RPS6KA2: variants seen among roughly 807,000 people sequenced by gnomAD.
RPS6KA2 encodes the protein ribosomal protein S6 kinase alpha-2.
Under a neutral mutation model 91.8 loss-of-function variants are expected in RPS6KA2, and 42 were observed. The observed-to-expected ratio is 0.46, with a 90% CI of 0.36 to 0.59. The LOEUF (loss-of-function observed/expected upper bound fraction) is 0.59, where lower values mean the gene tolerates loss of function less well. RPS6KA2 is among the 20% of genes least tolerant of loss of function. The pLI, the probability that RPS6KA2 is intolerant of heterozygous loss-of-function variation, is 0.00. For missense variants in RPS6KA2, 798 were observed against 978.5 expected (o/e 0.82, Z 2.46); for synonymous variants, 414 against 393.6 (o/e 1.05, Z -0.61).
chr6:166,781,652 C>A (rs539381730), intron 2 of RPS6KA2, among the ~76,000 whole-genome samples: 2 of 152,330 alleles, frequency 1.3e-5, no homozygotes, highest in Non-Finnish European at 2.9e-5. Context: ...TAAACAGGCC[C>A]AGCTGCAAAT....
At chr6:166,815,660 G>A (rs1287631723) in intron 2 of RPS6KA2, among the ~76,000 whole-genome samples, 13 of 152,120 alleles carry the variant, frequency 8.5e-5, no homozygotes. Context: ...CAGCTAATGG[G>A]GTAAGCATTT....
chr6:166,852,713 G>T lies in RPS6KA2; in HGVS notation c.123+5487C>A, dbSNP rs567259891. On this transcript the variant is annotated intron_variant, in intron 2 of 21. Transcript: ENST00000503859. The surrounding 1 kb of genome is among the most constrained non-coding windows in gnomAD (Gnocchi z 4.1). ...GCATTGGAGGAGGCCACGCTGACAC[G>T]CTCAGGAGCTCATCCCTGAGCGCCC... 6.6e-6 allele frequency among the ~76,000 whole-genome samples: 1 copy of T among 152,090 alleles called. No individual in the cohort carries two copies. The highest frequency in any genetic ancestry group is 2.4e-5 in the African/African-American group (1 of 41,436).
At chr6:166,746,448 A>T (rs1457494405) in intron 2 of RPS6KA2, among the ~76,000 whole-genome samples, 1 of 152,134 alleles carries the variant, frequency 6.6e-6, no homozygotes, top group Non-Finnish European at 1.5e-5. Flanking sequence ...GCAATACCAC[A>T]TTTCACCTGC....
intron 1 of RPS6KA2, among the ~76,000 whole-genome samples, chr6:166,585,519 T>TC (rs398003318): frequency 2.4e-5 from 3 of 124,838 alleles, no homozygotes; most frequent in Admixed American, 7.4e-5. Context: ...TTTTTTTTTT[T>TC]CCTTATTTTA....
At chr6:166,576,250 A>G (rs935505513) in intron 1 of RPS6KA2, among the ~76,000 whole-genome samples, 2 of 152,202 alleles carry the variant, frequency 1.3e-5, no homozygotes, top group African/African-American at 4.8e-5. Flanking sequence ...ATGAAAATGG[A>G]CTAATACAGT....
intron 1 of RPS6KA2, among the ~76,000 whole-genome samples, chr6:166,618,666 C>T (rs1050950488): frequency 3.3e-5 from 5 of 152,226 alleles, no homozygotes; most frequent in Non-Finnish European, 7.3e-5. Context: ...CATGGCAATT[C>T]GGGCAAATGC....
At chr6:166,754,539 A>G (rs1583081893) in intron 2 of RPS6KA2, among the ~76,000 whole-genome samples, 1 of 151,930 alleles carries the variant, frequency 6.6e-6, no homozygotes, top group Non-Finnish European at 1.5e-5. Flanking sequence ...CCCTGGGAGG[A>G]TTAGGGCAGG....
At chr6:166,671,517 C>G (rs1788471868) in intron 2 of RPS6KA2, among the ~76,000 whole-genome samples, 1 of 152,124 alleles carries the variant, frequency 6.6e-6, no homozygotes, top group African/African-American at 2.4e-5. Flanking sequence ...CACGACTCTT[C>G]TCATGATCAA....
At chr6:166,475,207 C>A (rs553979192) in intron 10 of RPS6KA2, among the ~76,000 whole-genome samples, 19 of 152,070 alleles carry the variant, frequency 1.2e-4, no homozygotes, top group Non-Finnish European at 2.4e-4. Context: ...GCTACAGCCA[C>A]CCCAGGGTCT....
chr6:166,702,545 T>A, intron 2 of RPS6KA2: 4 of 1,438,536 alleles, frequency 2.8e-6, no homozygotes, highest in Non-Finnish European at 3.9e-6. Context: ...ACTAGTCAAC[T>A]ATCCAGCACC....
At chr6:166,670,560 T>C (rs999036062) in intron 2 of RPS6KA2, among the ~76,000 whole-genome samples, 3 of 152,188 alleles carry the variant, frequency 2.0e-5, no homozygotes, top group Admixed American at 1.3e-4. Context: ...TGCCACACTT[T>C]GAAGTGATTA....
At chr6:166,492,857 A>G (rs1028693013) in intron 8 of RPS6KA2, among the ~76,000 whole-genome samples, 5 of 149,878 alleles carry the variant, frequency 3.3e-5, no homozygotes, top group African/African-American at 1.2e-4. Flanking sequence ...CTGGGACTAC[A>G]GGCGTGAGCC....
chr6:166,556,989 C>T (rs1041629896), intron 1 of RPS6KA2, among the ~76,000 whole-genome samples: 12 of 152,236 alleles, frequency 7.9e-5, no homozygotes, highest in African/African-American at 2.2e-4. Context: ...GCCAAGTCCA[C>T]GAGTTCTCAG....
chr6:166,658,608 C>T (rs1383467512), intron 2 of RPS6KA2, among the ~76,000 whole-genome samples: 2 of 151,912 alleles, frequency 1.3e-5, no homozygotes, highest in African/African-American at 2.4e-5. Flanking sequence ...CAGGATGTAC[C>T]GGGACACCCT....
chr6:166,646,878 T>C (rs1416505671), intron 2 of RPS6KA2, among the ~76,000 whole-genome samples: 1 of 152,172 alleles, frequency 6.6e-6, no homozygotes, highest in East Asian at 1.9e-4. Context: ...CAGGCCGTGG[T>C]GGGTGTGGGC....
Position 166,729,208 on chromosome 6 carries a change from CCATT to C in RPS6KA2, c.123+128988_123+128991del, listed in dbSNP as rs371832957. On this transcript the variant is annotated intron_variant, in intron 2 of 21. Transcript: ENST00000503859. ...CCCTTCCAGCTGTCACCTCTGCTGC[CCATT>C]CACAGAGCAAGCAGTCGAGGGCCCT... Among the ~76,000 whole-genome samples the C allele has an allele frequency of 7.3e-4, 111 of 152,348 alleles. 1 individual carries two copies. The highest frequency in any genetic ancestry group is 2.6e-3 in the African/African-American group (109 of 41,576).
At chr6:166,753,564 C>G (rs978950213) in intron 2 of RPS6KA2, among the ~76,000 whole-genome samples, 6 of 152,226 alleles carry the variant, frequency 3.9e-5, no homozygotes, top group African/African-American at 1.4e-4. Context: ...CACAGCAACT[C>G]GGATGTGTTT....
At chr6:166,753,941 C>G (rs1466860238) in intron 2 of RPS6KA2, among the ~76,000 whole-genome samples, 2 of 152,264 alleles carry the variant, frequency 1.3e-5, no homozygotes, top group East Asian at 3.9e-4. Flanking sequence ...ATGAGGAACC[C>G]AAATTCTGGA....
intron 1 of RPS6KA2, among the ~76,000 whole-genome samples, chr6:166,602,548 G>A (rs1040075921): frequency 5.9e-5 from 9 of 152,296 alleles, no homozygotes; most frequent in Admixed American, 4.6e-4. Context: ...GGAACCAAGC[G>A]CTACCCATCA....
Sources: gnomAD v4.1 joint callset for allele counts (sites outside exome capture counted in the v4.1 genomes callset) on GRCh38, gnomAD v4.1.1 for gene constraint, Gnocchi (gnomAD v3.1) non-coding constraint, MANE v1.5 for transcripts, NCBI Gene and HGNC (gene_info 2026-07-23, HGNC 2026-07-21) for gene names.